FECH: variants seen among roughly 807,000 people sequenced by gnomAD.
The protein encoded by FECH is ferrochelatase, mitochondrial.
A neutral mutation model predicts 56.9 loss-of-function variants in FECH; 40 were observed. That is an observed-to-expected ratio of 0.70 (90% confidence interval 0.55 to 0.92). The LOEUF (loss-of-function observed/expected upper bound fraction) is 0.92, where lower values mean the gene tolerates loss of function less well. Among genes scored for constraint, FECH ranks in the 40% least tolerant of loss-of-function variants. FECH has a pLI of 0.00. For synonymous variants in FECH, 175 were observed against 198.6 expected (o/e 0.88, Z 1.00); for missense variants, 431 against 529.1 (o/e 0.81, Z 1.82).
intron 6 of FECH, among the ~76,000 whole-genome samples, chr18:57,560,409 G>A (rs532087152): frequency 6.6e-6 from 1 of 152,330 alleles, no homozygotes; most frequent in East Asian, 1.9e-4. Flanking sequence ...CCAGCACTTT[G>A]GGAGGCCAAG....
At chr18:57,559,965 C>T (rs534457382) in intron 6 of FECH, among the ~76,000 whole-genome samples, 1 of 152,166 alleles carries the variant, frequency 6.6e-6, no homozygotes, top group Non-Finnish European at 1.5e-5. Flanking sequence ...CTTTGATTCA[C>T]GTCGATAGGT....
chr18:57,581,868 T>A (rs1190111902), intron 1 of FECH, among the ~76,000 whole-genome samples: 1 of 152,196 alleles, frequency 6.6e-6, no homozygotes, highest in African/African-American at 2.4e-5. Flanking sequence ...GGCCATTAGA[T>A]TTCCAACCAC....
chr18:57,579,155 T>TG (rs1324675819), intron 2 of FECH, among the ~76,000 whole-genome samples: 1 of 146,090 alleles, frequency 6.8e-6, no homozygotes, highest in African/African-American at 2.6e-5. Context: ...GGCTGAGACA[T>TG]GAGAATTGCT....
chr18:57,554,830 G>A lies in FECH; in HGVS notation c.912+15C>T, dbSNP rs2050847645. ...CAATAAGAGCTGGCCGCCCGCCAGT[G>A]TGGAAGCCACTTACCTTGGATTGCC... is the stretch of plus-strand genomic sequence containing the variant. On this transcript the variant is annotated intron_variant, in intron 8 of 10. Coordinates refer to ENST00000262093, the MANE Select transcript of FECH (RefSeq NM_000140.5). 1 of 1,606,476 alleles carries A rather than the reference G, an allele frequency of 6.2e-7. No homozygotes were observed. Among genetic ancestry groups the A allele is most frequent in the Non-Finnish European group, 8.5e-7 (1 of 1,172,952 alleles).
intron 5 of FECH, among the ~76,000 whole-genome samples, chr18:57,565,813 T>C (rs967234667): frequency 1.3e-5 from 2 of 152,204 alleles, no homozygotes; most frequent in African/African-American, 4.8e-5. Flanking sequence ...AATGTGTCTG[T>C]GGGTGACAGT....
chr18:57,566,368 T>G, intron 5 of FECH, 79 bp downstream of exon 5: 1 of 1,594,424 alleles, frequency 6.3e-7, no homozygotes. Context: ...TAATTCATCC[T>G]TCCCTTCAGT....
intron 1 of FECH, among the ~76,000 whole-genome samples, chr18:57,585,265 T>C (rs1445830871): frequency 2.0e-5 from 3 of 152,350 alleles, no homozygotes; most frequent in Non-Finnish European, 4.4e-5. Context: ...TCAACCAAAA[T>C]GATGAAGTAT....
rs568567507 is a variant in FECH at position 57,548,638 on chromosome 18, A to G, written c.*2074T>C. 1.4e-4 allele frequency: 21 copies of G among 152,364 alleles called. No homozygotes were observed. Among genetic ancestry groups the G allele is most frequent in the African/African-American group, 4.3e-4 (18 of 41,594 alleles). The allele number at this position is 152,364 out of a possible 1,614,324, so 9.4% of individuals were successfully genotyped here. A position where few individuals can be genotyped will look rare whatever the true frequency, so the allele number is the denominator to read the frequency against. ...CTACCAAACACTAGCCTAATGTATG[A>G]CCGTTACCCATCCGTGGTTAGTAAC... On this transcript the variant is annotated 3_prime_UTR_variant, in exon 11 of 11. Coordinates refer to ENST00000262093, the MANE Select transcript of FECH (RefSeq NM_000140.5).
chr18:57,572,417 TG>T (rs1290656826), intron 3 of FECH, among the ~76,000 whole-genome samples: 1 of 132,148 alleles, frequency 7.6e-6, no homozygotes, highest in African/African-American at 2.9e-5. Context: ...TATCGTGGAG[TG>T]GGGGGAGAGG....
intron 4 of FECH, among the ~76,000 whole-genome samples, chr18:57,570,655 A>C (rs56236084): frequency 2.0e-5 from 3 of 152,146 alleles, no homozygotes; most frequent in African/African-American, 7.2e-5. Context: ...AACATTTCTC[A>C]TATCAGTTCA....
intron 2 of FECH, among the ~76,000 whole-genome samples, chr18:57,576,057 C>T (rs758577511): frequency 3.9e-5 from 6 of 152,254 alleles, no homozygotes; most frequent in Non-Finnish European, 7.4e-5. Flanking sequence ...GCTGGAGAGT[C>T]CTTTGTTGTA....
chr18:57,563,649 T>C (rs557782405), intron 5 of FECH, among the ~76,000 whole-genome samples: 3 of 147,222 alleles, frequency 2.0e-5, no homozygotes, highest in African/African-American at 5.1e-5. Context: ...AATCCCATTA[T>C]AGGAAATGTA....
intron 7 of FECH, among the ~76,000 whole-genome samples, chr18:57,555,817 T>C (rs781544183): frequency 3.3e-5 from 5 of 152,208 alleles, no homozygotes; most frequent in Admixed American, 6.5e-5. Context: ...AGGTGCTCAA[T>C]AAATATTGGT....
chr18:57,561,403 T>C (rs557307012), intron 6 of FECH, among the ~76,000 whole-genome samples: 2 of 152,216 alleles, frequency 1.3e-5, no homozygotes, highest in African/African-American at 2.4e-5. Context: ...ACACAAATCA[T>C]ATGGCTTGCA....
chr18:57,570,313 T>C (rs2051086237), intron 4 of FECH, among the ~76,000 whole-genome samples: 1 of 152,180 alleles, frequency 6.6e-6, no homozygotes, highest in African/African-American at 2.4e-5. Context: ...AGGAACTGCA[T>C]AAGAAATGCC....
intron 1 of FECH, among the ~76,000 whole-genome samples, chr18:57,581,364 C>T (rs1207724035): frequency 6.6e-6 from 1 of 152,210 alleles, no homozygotes; most frequent in African/African-American, 2.4e-5. Flanking sequence ...ATGAAGAGTA[C>T]TGGTCCTTAA....
In FECH at chr18:57,550,804, G is replaced by A; in HGVS notation, c.1180C>T (p.Leu394=). ...LVHSHIQSNE[L]CSKQLTLSCP... ...CTCAGGGTCAGCTGCTTGGAACACA[G>A]CTCGTTTGACTGGATGTGTGAATGC... is the stretch of plus-strand genomic sequence containing the variant. Residue 394 remains leucine, a synonymous_variant, in exon 11 of 11, where the codon CTG becomes TTG. Transcript: ENST00000262093. The A allele has an allele frequency of 6.2e-7, 1 of 1,614,104 alleles. No individual in the cohort carries two copies. Among genetic ancestry groups the A allele is most frequent in the Non-Finnish European group, 8.5e-7 (1 of 1,180,020 alleles).
chr18:57,577,669 ATAAAG>A (rs2122346541), intron 2 of FECH, among the ~76,000 whole-genome samples: 1 of 152,334 alleles, frequency 6.6e-6, no homozygotes, highest in Admixed American at 6.5e-5. Context: ...ATTTATGATG[ATAAAG>A]TAAATAAAAA....
intron 8 of FECH, 67 bp from the exon 9 acceptor site, chr18:57,554,491 GCCC>G: frequency 6.4e-7 from 1 of 1,562,680 alleles, no homozygotes; most frequent in Admixed American, 1.7e-5. Context: ...ACCCCTGTTT[GCCC>G]CCCTGGGCAC....
Sources: allele counts gnomAD v4.1 joint callset (sites outside exome capture counted in the v4.1 genomes callset), GRCh38; gene constraint gnomAD v4.1.1; transcripts MANE v1.5; gene names NCBI Gene and HGNC (gene_info 2026-07-23, HGNC 2026-07-21).